SEMA6D: variants seen among roughly 807,000 people sequenced by gnomAD.
SEMA6D encodes the protein semaphorin 6D.
A neutral mutation model predicts 106.6 loss-of-function variants in SEMA6D; 35 were observed. The ratio of observed to expected loss-of-function variants is 0.33; its 90% CI spans 0.25 to 0.44. SEMA6D has a LOEUF of 0.44. Ranked by LOEUF, SEMA6D falls within the 20% of genes least tolerant of loss-of-function variation. The pLI is 1.00. For synonymous variants in SEMA6D, 499 were observed against 487.7 expected (o/e 1.02, Z -0.31); for missense variants, 1,185 against 1,345.9 (o/e 0.88, Z 1.87).
At position 47,760,371 on chromosome 15, in the gene SEMA6D, T is replaced by A. The variant is rs778901567; in HGVS notation, c.177T>A (p.Phe59Leu). ...SGNESQHRLD[F>L]QLMLKIRDTL... Reference sequence around the variant, plus strand: ...ATGAATCGCAGCACAGGCTGGACTTTCAGCTGATGTTGAAAATTCGAGACA... The same window carrying A: ...ATGAATCGCAGCACAGGCTGGACTTACAGCTGATGTTGAAAATTCGAGACA... The change falls in exon 3 of 19, where the codon TTT (phenylalanine) becomes TTA (leucine). Residue 59 changes from phenylalanine (F) to leucine (L), a missense_variant. This residue lies in a region of SEMA6D where 144 missense variants were observed against 138.6 expected (regional missense o/e 1.04). Transcript: ENST00000536845. 6.2e-7 allele frequency: 1 copy of A among 1,613,642 alleles called. No individual in the cohort carries two copies. Among genetic ancestry groups the A allele is most frequent in the Non-Finnish European group, 8.5e-7 (1 of 1,179,670 alleles).
At chr15:47,682,550 A>G (rs1566982873) in intron 4 of SEMA6D, among the ~76,000 whole-genome samples, 2 of 152,186 alleles carry the variant, frequency 1.3e-5, no homozygotes, top group Non-Finnish European at 2.9e-5. Context: ...GAAAATATGT[A>G]AAGAATTGGT....
intron 1 of SEMA6D, among the ~76,000 whole-genome samples, chr15:47,351,911 A>G (rs896007991): frequency 6.6e-6 from 1 of 152,230 alleles, no homozygotes. Context: ...AATGGAAAAT[A>G]TAGCTTTGAC....
At chr15:47,639,967 G>C (rs992355039) in intron 4 of SEMA6D, among the ~76,000 whole-genome samples, 1 of 152,054 alleles carries the variant, frequency 6.6e-6, no homozygotes, top group Non-Finnish European at 1.5e-5. Flanking sequence ...AAAAACTCTG[G>C]ATATCGAAAT....
At chr15:47,669,204 C>A (rs1395963401) in intron 4 of SEMA6D, among the ~76,000 whole-genome samples, 1 of 152,194 alleles carries the variant, frequency 6.6e-6, no homozygotes, top group Non-Finnish European at 1.5e-5. Context: ...GCCTTCCTGG[C>A]ATCCTTTTCC....
chr15:47,421,087 A>AT (rs2041138664), intron 2 of SEMA6D, among the ~76,000 whole-genome samples: 1 of 152,136 alleles, frequency 6.6e-6, no homozygotes, highest in Non-Finnish European at 1.5e-5. Flanking sequence ...AGAACACATG[A>AT]TTTAGGTAAA....
At chr15:47,718,465 C>G (rs1221091839) in intron 1 of SEMA6D, 1 of 152,358 alleles carries the variant, frequency 6.6e-6, no homozygotes, top group Non-Finnish European at 1.5e-5. Flanking sequence ...TTGGCCATCC[C>G]CATCCCCGGC....
intron 1 of SEMA6D, among the ~76,000 whole-genome samples, chr15:47,719,597 A>G (rs2079302431): frequency 6.6e-6 from 1 of 152,184 alleles, no homozygotes. Context: ...TCCCTGGGAA[A>G]GGTCTAACAT....
intron 11 of SEMA6D, 131 bp from the exon 12 acceptor site, chr15:47,764,507 G>A (rs757274482): frequency 1.5e-6 from 2 of 1,346,136 alleles, no homozygotes; most frequent in Non-Finnish European, 1.0e-6. Context: ...GCATAGCATT[G>A]CTCCTTTAGT....
At chr15:47,259,982 G>T (rs1475852387) in intron 1 of SEMA6D, among the ~76,000 whole-genome samples, 1 of 149,560 alleles carries the variant, frequency 6.7e-6, no homozygotes, top group Non-Finnish European at 1.5e-5. Context: ...CTATTGTATT[G>T]AGCCCATTTA....
chr15:47,326,799 A>G (rs2037151450), intron 1 of SEMA6D, among the ~76,000 whole-genome samples: 1 of 152,186 alleles, frequency 6.6e-6, no homozygotes, highest in African/African-American at 2.4e-5. Context: ...CTCCCATGCC[A>G]GATTCTGTTT....
intron 1 of SEMA6D, among the ~76,000 whole-genome samples, chr15:47,248,148 C>T (rs955472184): frequency 6.6e-6 from 1 of 152,248 alleles, no homozygotes; most frequent in South Asian, 2.1e-4. Flanking sequence ...AAATAGTTGT[C>T]AAAATATCAG....
chr15:47,348,721 C>CA (rs1313096616), intron 1 of SEMA6D, among the ~76,000 whole-genome samples: 2 of 24,632 alleles, frequency 8.1e-5, no homozygotes, highest in East Asian at 9.5e-4. Flanking sequence ...ACACACACCA[C>CA]ACACACAGAG....
intron 1 of SEMA6D, among the ~76,000 whole-genome samples, chr15:47,400,717 A>G (rs1345323681): frequency 1.3e-5 from 2 of 152,232 alleles, no homozygotes; most frequent in Admixed American, 1.3e-4. Context: ...TACTCAGTGT[A>G]TCAAACAACT....
chr15:47,341,629 CTGAG>C (rs1411661319), intron 1 of SEMA6D, among the ~76,000 whole-genome samples: 1 of 152,124 alleles, frequency 6.6e-6, no homozygotes, highest in Non-Finnish European at 1.5e-5. Flanking sequence ...TGAGATGTGA[CTGAG>C]TACTTTTTTT....
chr15:47,459,526 C>T (rs2042437813), intron 2 of SEMA6D, among the ~76,000 whole-genome samples: 1 of 151,950 alleles, frequency 6.6e-6, no homozygotes, highest in African/African-American at 2.4e-5. Flanking sequence ...TGGTTTTGCA[C>T]TGGGTGGTGG....
chr15:47,435,301 C>T (rs2041666279), intron 2 of SEMA6D, among the ~76,000 whole-genome samples: 1 of 152,062 alleles, frequency 6.6e-6, no homozygotes. Flanking sequence ...TCATCAATCC[C>T]TATCTTTGAT....
intron 1 of SEMA6D, among the ~76,000 whole-genome samples, chr15:47,736,947 G>A (rs1454739322): frequency 1.3e-5 from 2 of 151,986 alleles, no homozygotes; most frequent in Admixed American, 6.6e-5. Flanking sequence ...AGAGAACGGC[G>A]GTGATTTTGA....
intron 3 of SEMA6D, among the ~76,000 whole-genome samples, chr15:47,526,607 A>G (rs1036473849): frequency 6.6e-6 from 1 of 152,200 alleles, no homozygotes; most frequent in Admixed American, 6.5e-5. Flanking sequence ...GTAGATAAGT[A>G]CCATCATTAT....
At chr15:47,457,085 A>G (rs183004802) in intron 2 of SEMA6D, among the ~76,000 whole-genome samples, 24 of 152,100 alleles carry the variant, frequency 1.6e-4, no homozygotes, top group African/African-American at 5.3e-4. Context: ...TGCATTATAC[A>G]GGGCACTGGC....
Sources: gnomAD v4.1 joint callset for allele counts (sites outside exome capture counted in the v4.1 genomes callset) on GRCh38, gnomAD v4.1.1 for gene constraint, gnomAD v4.1.1 regional missense constraint, MANE v1.5 for transcripts, NCBI Gene and HGNC (gene_info 2026-07-23, HGNC 2026-07-21) for gene names.